The following CCNG2 variants were observed in gnomAD, a reference collection of about 807,000 sequenced individuals.
CCNG2 encodes cyclin-G2.
Under a neutral mutation model 36.5 loss-of-function variants are expected in CCNG2, and 20 were observed. The observed-to-expected ratio is 0.55, with a 90% confidence interval of 0.39 to 0.80. The LOEUF (loss-of-function observed/expected upper bound fraction) is 0.80, where lower values mean the gene tolerates loss of function less well. CCNG2 is among the 30% of genes least tolerant of loss of function. The pLI is 0.00. For synonymous variants in CCNG2, 155 were observed against 140.1 expected (o/e 1.11, Z -0.75); for missense variants, 358 against 390.8 (o/e 0.92, Z 0.71).
At position 77,161,696 on chromosome 4, in the gene CCNG2, G is replaced by A. The variant is rs1487867926; in HGVS notation, c.654G>A (p.Leu218=). 3 of 1,610,140 alleles carry A rather than the reference G, an allele frequency of 1.9e-6. No homozygotes were observed. The highest frequency in any genetic ancestry group is 2.5e-6 in the Non-Finnish European group (3 of 1,178,592). The change falls in exon 6 of 8, where the codon TTG becomes TTA. Residue 218 remains leucine (L), a synonymous_variant. Coordinates refer to ENST00000316355, the MANE Select transcript of CCNG2 (RefSeq NM_004354.3). ...TTCTCAATTTGGAAGTGGAAACTTTGAAATCTGTTGAATTACTGGAAATTC... is the reference window on the plus strand; with the variant it reads ...TTCTCAATTTGGAAGTGGAAACTTTAAAATCTGTTGAATTACTGGAAATTC... ...LCLLNLEVET[L]KSVELLEILL... is the part of the protein sequence containing the mutation.
Position 77,164,294 on chromosome 4 carries a change from C to T in CCNG2, c.726C>T (p.Phe242=), listed in dbSNP as rs147604582. The T allele has an allele frequency of 6.2e-7, 1 of 1,613,340 alleles. No individual in the cohort carries two copies. Among genetic ancestry groups the T allele is most frequent in the Non-Finnish European group, 8.5e-7 (1 of 1,179,524 alleles). Residue 242 remains phenylalanine (F), a synonymous_variant, in exon 7 of 8, where the codon TTC becomes TTT. Coordinates refer to ENST00000316355, the MANE Select transcript of CCNG2 (RefSeq NM_004354.3). ...KHSKINDTEF[F]YWRELVSKCL... The stretch of plus-strand genomic sequence containing the variant: ...TTCAGATTAATGACACTGAGTTCTT[C>T]TACTGGAGAGAGTTGGTTTCTAAAT...
intron 6 of CCNG2, among the ~76,000 whole-genome samples, chr4:77,162,339 G>A (rs1731461679): frequency 6.7e-6 from 1 of 149,544 alleles, no homozygotes. Flanking sequence ...ATTGTGTCTT[G>A]GTGCCAGGTA....
At position 77,166,114 on chromosome 4, in the gene CCNG2, C is replaced by G; in HGVS notation, c.*190C>G. The stretch of plus-strand genomic sequence containing the variant: ...CCTAAGCCATCAAATGGGGTAGTGC[C>G]TCTTAAACCATTAACAGTACTTTAG... On this transcript the variant is annotated 3_prime_UTR_variant, in exon 8 of 8. Coordinates refer to ENST00000316355, the MANE Select transcript of CCNG2 (RefSeq NM_004354.3). 1 of 441,980 alleles carries G rather than the reference C, an allele frequency of 2.3e-6. No homozygotes were observed. Among genetic ancestry groups the G allele is most frequent in the South Asian group, 4.8e-5 (1 of 20,938 alleles). The allele number at this position is 441,980 out of a possible 1,614,324, so 27.4% of individuals were successfully genotyped here.
rs558565670 is a variant in CCNG2 at position 77,157,266 on chromosome 4, G to C, written c.-241G>C. The C allele has an allele frequency of 6.6e-6, 1 of 152,520 alleles. No individual in the cohort carries two copies. Among genetic ancestry groups the C allele is most frequent in the African/African-American group, 2.4e-5 (1 of 41,556 alleles). The allele number at this position is 152,520 out of a possible 1,614,324, so 9.4% of individuals were successfully genotyped here. A position where few individuals can be genotyped will look rare whatever the true frequency, so the allele number is the denominator to read the frequency against. ...CCGCTGAGGCGGCGGGGGTGCGGCG[G>C]TGGGCTGGTCTTCCGCGGCCGGCGT... On this transcript the variant is annotated 5_prime_UTR_variant, in exon 1 of 8. Transcript: ENST00000316355.
intron 7 of CCNG2, 191 bp downstream of exon 7, chr4:77,164,670 G>T: frequency 4.0e-6 from 2 of 501,606 alleles, no homozygotes; most frequent in South Asian, 3.3e-5. Context: ...GATTTATAAG[G>T]TCCTCTCCAA....
At chr4:77,165,214 A>T (rs1236825530) in intron 7 of CCNG2, among the ~76,000 whole-genome samples, 3 of 152,232 alleles carry the variant, frequency 2.0e-5, no homozygotes, top group Non-Finnish European at 4.4e-5. Flanking sequence ...GATATTTGAC[A>T]GTGTAAGTGG....
Position 77,164,275 on chromosome 4 carries a change from TTAA to T in CCNG2, c.709_711del (p.Asn237del). 2 of 1,611,950 alleles carry T rather than the reference TTAA, an allele frequency of 1.2e-6. No individual in the cohort carries two copies. The highest frequency in any genetic ancestry group is 1.7e-6 in the Non-Finnish European group (2 of 1,178,160). On this transcript the variant is annotated inframe_deletion and splice_region_variant, in exon 7 of 8. Transcript: ENST00000316355. ...CCTCTTAAAATATTTTTTTTTCAGA[TTAA>T]TGACACTGAGTTCTTCTACTGGAGA...
intron 3 of CCNG2, among the ~76,000 whole-genome samples, 185 bp from the exon 4 acceptor site, chr4:77,160,536 G>GGGT (rs1731402482): frequency 6.8e-6 from 1 of 147,836 alleles, no homozygotes. Flanking sequence ...TTTTTTGGGG[G>GGGT]GGGGGGGAGG....
chr4:77,159,215 G>A (rs562476611), intron 2 of CCNG2, 152 bp from the exon 3 acceptor site: 48 of 627,672 alleles, frequency 7.6e-5, no homozygotes, highest in Non-Finnish European at 6.2e-5. Context: ...TTAGTTAAGC[G>A]ATACCACTCT....
intron 6 of CCNG2, 37 bp from the exon 7 acceptor site, chr4:77,164,237 G>GTA: frequency 6.7e-7 from 1 of 1,494,032 alleles, no homozygotes; most frequent in Non-Finnish European, 9.3e-7. Context: ...AGATTTGGGA[G>GTA]ACATTGCCGT....
rs373722482 is a variant in CCNG2 at position 77,158,490 on chromosome 4, C to T, written c.1-43C>T. On this transcript the variant is annotated intron_variant, in intron 1 of 7. Transcript: ENST00000316355. Reference sequence around the variant, plus strand: ...CCCTTTCTCCCGCTTCCCCACCCCTCTTACCCCCAGATTACATTCTCTGTG... The same window carrying T: ...CCCTTTCTCCCGCTTCCCCACCCCTTTTACCCCCAGATTACATTCTCTGTG... The T allele has an allele frequency of 1.7e-5, 28 of 1,611,472 alleles. No homozygotes were observed. In the East Asian group the frequency reaches 2.2e-4, roughly 13 times the overall value.
At position 77,159,586 on chromosome 4, in the gene CCNG2, A is replaced by G. The variant is rs189772230; in HGVS notation, c.276+82A>G. On this transcript the variant is annotated intron_variant, in intron 3 of 7. Coordinates refer to ENST00000316355, the MANE Select transcript of CCNG2 (RefSeq NM_004354.3). ...ACAGGGTTCAAGAAATATTTATCGA[A>G]TGGGTATAATAACGTCCACTGTACA... 37 of 1,362,796 alleles carry G rather than the reference A, an allele frequency of 2.7e-5. No homozygotes were observed. The East Asian group carries it at 5.3e-4, about 20-fold the overall frequency. The allele number at this position is 1,362,796 out of a possible 1,614,324, so 84.4% of individuals were successfully genotyped here.
intron 2 of CCNG2, 89 bp from the exon 3 acceptor site, chr4:77,159,278 A>G (rs1731362044): frequency 2.4e-6 from 3 of 1,270,966 alleles, no homozygotes; most frequent in Non-Finnish European, 3.3e-6. Context: ...TATTCTTGGG[A>G]AAAAATTAAC....
rs4150076 is a variant in CCNG2 at position 77,162,080 on chromosome 4, G to A, written c.705+333G>A. On this transcript the variant is annotated intron_variant, in intron 6 of 7. Transcript: ENST00000316355. ...GTAGACTCAGAACAAACACTAATGG[G>A]ATAGGATGGGATCCCATCACACCTG... is the stretch of plus-strand genomic sequence containing the variant. Among the ~76,000 whole-genome samples, 657 of 152,284 alleles carry A rather than the reference G, an allele frequency of 4.3e-3. 4 individuals carry two copies. The highest frequency in any genetic ancestry group is 6.4e-3 in the Non-Finnish European group (432 of 68,020).
intron 3 of CCNG2, 49 bp from the exon 4 acceptor site, chr4:77,160,672 C>T (rs1731407259): frequency 1.3e-6 from 2 of 1,580,442 alleles, no homozygotes; most frequent in East Asian, 2.2e-5. Flanking sequence ...TAAGTATCTG[C>T]TAAGTCAAAG....
intron 3 of CCNG2, among the ~76,000 whole-genome samples, chr4:77,160,273 C>T (rs1731392191): frequency 6.6e-6 from 1 of 151,650 alleles, no homozygotes; most frequent in African/African-American, 2.4e-5. Context: ...ACAAATTATA[C>T]TTTAGTGCTA....
chr4:77,159,175 T>G (rs768413883), intron 2 of CCNG2, among the ~76,000 whole-genome samples, 192 bp from the exon 3 acceptor site: 1 of 152,274 alleles, frequency 6.6e-6, no homozygotes, highest in Non-Finnish European at 1.5e-5. Flanking sequence ...AGCAGTGATT[T>G]ACGTCTTACA....
At chr4:77,158,734 C>T (rs1731343913) in intron 2 of CCNG2, 64 bp downstream of exon 2, 3 of 1,566,358 alleles carry the variant, frequency 1.9e-6, no homozygotes, top group Non-Finnish European at 2.6e-6. Context: ...GTAACCCCCC[C>T]GCCCCCGTTG....
chr4:77,165,906 A>C lies in CCNG2; in HGVS notation c.1017A>C (p.Thr339=), dbSNP rs759253824. ...TTTTCAACTTCAAAGTGGCACAAAC[A>C]CTGTGCTTTCCATCTTAGAAATCTG... The part of the protein sequence containing the change: ...TFFFNFKVAQ[T]LCFPS The change falls in exon 8 of 8, where the codon ACA becomes ACC. Residue 339 remains threonine, a synonymous_variant. Transcript: ENST00000316355. 1.2e-6 allele frequency: 2 copies of C among 1,605,294 alleles called. No individual in the cohort carries two copies. The highest frequency in any genetic ancestry group is 4.5e-5 in the East Asian group (2 of 44,664).
Sources: allele counts gnomAD v4.1 joint callset (sites outside exome capture counted in the v4.1 genomes callset), GRCh38; gene constraint gnomAD v4.1.1; transcripts MANE v1.5; gene names NCBI Gene and HGNC (gene_info 2026-07-23, HGNC 2026-07-21).